Variants in ATF1 observed in about 807,000 individuals in gnomAD.
The protein encoded by ATF1 is cyclic AMP-dependent transcription factor ATF-1.
A neutral mutation model predicts 34.7 loss-of-function variants in ATF1; 16 were observed. The observed-to-expected ratio is 0.46, with a 90% CI of 0.31 to 0.70. The LOEUF is 0.70. Ranked by LOEUF, ATF1 falls within the 30% of genes least tolerant of loss-of-function variation. The pLI is 0.05. For synonymous variants in ATF1, 105 were observed against 113.1 expected, an observed-to-expected ratio of 0.93 and a Z score of 0.46; for missense variants, 255 against 321.6, an observed-to-expected ratio of 0.79 and a Z score of 1.58.
chr12:50,766,041 A>G (rs1213148455), intron 1 of ATF1, among the ~76,000 whole-genome samples: 2 of 152,160 alleles, frequency 1.3e-5, no homozygotes, highest in Non-Finnish European at 2.9e-5. Context: ...CGCGAGATCC[A>G]AGAACCCTCA....
intron 3 of ATF1, among the ~76,000 whole-genome samples, chr12:50,807,320 G>A (rs1004347058): frequency 4.6e-5 from 7 of 151,790 alleles, no homozygotes; most frequent in African/African-American, 1.5e-4. Flanking sequence ...CAGGAGGATC[G>A]CTTGAGCCTG....
chr12:50,764,593 C>T (rs902487673), intron 1 of ATF1: 2 of 152,362 alleles, frequency 1.3e-5, no homozygotes, highest in African/African-American at 4.8e-5. Context: ...TGGCTTTCGC[C>T]TCAGAAGCCG....
chr12:50,805,582 A>C (rs1941600098), intron 3 of ATF1, among the ~76,000 whole-genome samples: 1 of 150,814 alleles, frequency 6.6e-6, no homozygotes, highest in South Asian at 2.1e-4. Context: ...AAAAAAAAAA[A>C]CCTTTTGTGA....
chr12:50,812,860 TA>T (rs1169165484), intron 4 of ATF1, among the ~76,000 whole-genome samples: 2 of 152,002 alleles, frequency 1.3e-5, no homozygotes, highest in Non-Finnish European at 2.9e-5. Context: ...ATCTAACATT[TA>T]AAAAAATATT....
chr12:50,818,897 T>C (rs2139702766), intron 6 of ATF1, among the ~76,000 whole-genome samples: 1 of 152,342 alleles, frequency 6.6e-6, no homozygotes, highest in Non-Finnish European at 1.5e-5. Flanking sequence ...TGAGCCACCA[T>C]GCCTGGCCAA....
At chr12:50,814,794 C>G (rs927161009) in intron 6 of ATF1, among the ~76,000 whole-genome samples, 1 of 149,004 alleles carries the variant, frequency 6.7e-6, no homozygotes, top group Non-Finnish European at 1.5e-5. Flanking sequence ...TACTTTTAAT[C>G]ATTATTTTAA....
chr12:50,797,362 T>A (rs1307420063), intron 3 of ATF1, among the ~76,000 whole-genome samples: 1 of 152,204 alleles, frequency 6.6e-6, no homozygotes, highest in African/African-American at 2.4e-5. Flanking sequence ...TCTTAAAAGC[T>A]AAAAGCTTCC....
intron 6 of ATF1, among the ~76,000 whole-genome samples, chr12:50,816,472 T>C (rs1346149985): frequency 6.6e-6 from 1 of 152,078 alleles, no homozygotes; most frequent in Admixed American, 6.5e-5. Flanking sequence ...TGACCACCCT[T>C]AACAAAAACC....
chr12:50,811,968 A>G (rs796907356), intron 4 of ATF1, among the ~76,000 whole-genome samples: 18 of 152,360 alleles, frequency 1.2e-4, no homozygotes, highest in African/African-American at 4.1e-4. Flanking sequence ...GAATGTTTAT[A>G]TCTGCATTGT....
intron 2 of ATF1, among the ~76,000 whole-genome samples, chr12:50,780,767 C>T (rs1270916716): frequency 6.6e-6 from 1 of 151,828 alleles, no homozygotes; most frequent in Non-Finnish European, 1.5e-5. Context: ...TCAAGACTAG[C>T]CTGACCAACA....
rs187542584 is a variant in ATF1, at chr12:50,773,486, A to G, written c.-6-6654A>G. Among the ~76,000 whole-genome samples the G allele has an allele frequency of 1.7e-4, 16 of 96,160 alleles. No individual in the cohort carries two copies. The Admixed American group carries it at 1.9e-3, about 12-fold the overall frequency. 63.1% of individuals were successfully genotyped at this position (96,160 alleles called of 152,430 possible). ...TTTTTTCGAGACAAAGTCTCATTCTATTGCCCAGGTTAGAGTGCAGTGGCA... is the reference window on the plus strand; with the variant it reads ...TTTTTTCGAGACAAAGTCTCATTCTGTTGCCCAGGTTAGAGTGCAGTGGCA... On this transcript the variant is annotated intron_variant, in intron 1 of 6. Transcript: ENST00000262053.
At chr12:50,788,955 A>G (rs536119789) in intron 2 of ATF1, among the ~76,000 whole-genome samples, 29 of 152,236 alleles carry the variant, frequency 1.9e-4, no homozygotes, top group Non-Finnish European at 3.8e-4. Flanking sequence ...TCTAAGTGCA[A>G]GAAGGCTGTG....
chr12:50,796,379 G>A (rs567069130), intron 3 of ATF1, among the ~76,000 whole-genome samples: 103 of 152,282 alleles, frequency 6.8e-4, no homozygotes, highest in African/African-American at 2.5e-3. Flanking sequence ...GGGTGATAGA[G>A]CAAGATCCTG....
At chr12:50,764,644 C>G (rs1940583165) in intron 1 of ATF1, 1 of 152,254 alleles carries the variant, frequency 6.6e-6, no homozygotes, top group South Asian at 2.1e-4. Flanking sequence ...TGGGAGGTCT[C>G]GAGGTTGGGC....
chr12:50,816,950 T>G (rs1367787037), intron 6 of ATF1, among the ~76,000 whole-genome samples: 1 of 152,162 alleles, frequency 6.6e-6, no homozygotes, highest in African/African-American at 2.4e-5. Flanking sequence ...AAATACACAT[T>G]AATGCTACAC....
chr12:50,765,934 T>A (rs967201846), intron 1 of ATF1, among the ~76,000 whole-genome samples: 2 of 152,218 alleles, frequency 1.3e-5, no homozygotes, highest in African/African-American at 4.8e-5. Flanking sequence ...CCCTTGGGGC[T>A]GCTCTGTCTA....
At chr12:50,776,041 G>C (rs1382970895) in intron 1 of ATF1, among the ~76,000 whole-genome samples, 1 of 152,112 alleles carries the variant, frequency 6.6e-6, no homozygotes, top group Non-Finnish European at 1.5e-5. Context: ...GGCTGGGCAC[G>C]GTGGCTCACG....
At chr12:50,795,711 T>C (rs967186308) in intron 2 of ATF1, among the ~76,000 whole-genome samples, 198 bp from the exon 3 acceptor site, 1 of 152,248 alleles carries the variant, frequency 6.6e-6, no homozygotes, top group African/African-American at 2.4e-5. Context: ...ATATTTGATA[T>C]TCCTTTAATA....
At position 50,819,922 on chromosome 12, in the gene ATF1, C is replaced by T; in HGVS notation, c.*143C>T. ...AGGATAAATATCTTACGCACGATAT[C>T]TAGTGACAGAGGAGAAAGTGGAAAA... On this transcript the variant is annotated 3_prime_UTR_variant, in exon 7 of 7. Transcript: ENST00000262053. The T allele has an allele frequency of 1.5e-6, 1 of 681,260 alleles. No individual in the cohort carries two copies. 42.2% of individuals were successfully genotyped at this position (681,260 alleles called of 1,614,324 possible).
Sources: allele counts gnomAD v4.1 joint callset (sites outside exome capture counted in the v4.1 genomes callset), GRCh38; gene constraint gnomAD v4.1.1; transcripts MANE v1.5; gene names NCBI Gene and HGNC (gene_info 2026-07-23, HGNC 2026-07-21).